The following ATRNL1 variants were observed in gnomAD, a reference collection of about 807,000 sequenced individuals.
ATRNL1 encodes attractin like 1.
A neutral mutation model predicts 182.7 loss-of-function variants in ATRNL1; 95 were observed. The observed-to-expected ratio is 0.52, with a 90% CI of 0.44 to 0.62. The LOEUF is 0.62. ATRNL1 is among the 20% of genes least tolerant of loss of function. The probability of loss-of-function intolerance (pLI) is 0.00; values close to 1 mark genes in which losing one functional copy is unlikely to be tolerated. For synonymous variants in ATRNL1, 576 were observed against 568.3 expected (o/e 1.01, Z -0.19); for missense variants, 1,471 against 1,679.5 (o/e 0.88, Z 2.17).
At chr10:115,506,130 T>G (rs750660342) in intron 24 of ATRNL1, among the ~76,000 whole-genome samples, 3 of 151,940 alleles carry the variant, frequency 2.0e-5, no homozygotes, top group Admixed American at 6.6e-5. Flanking sequence ...TGCTGTCCAT[T>G]TTCTCCCCCA....
intron 26 of ATRNL1, among the ~76,000 whole-genome samples, chr10:115,654,035 T>A (rs1415565402): frequency 3.3e-5 from 5 of 152,198 alleles, no homozygotes; most frequent in African/African-American, 1.2e-4. Context: ...TATTTGTCTC[T>A]AAAACTATGT....
rs375942925 is a variant in ATRNL1 at position 115,327,192 on chromosome 10, A to G, written c.3038-7090A>G. On this transcript the variant is annotated intron_variant, in intron 18 of 28. Coordinates refer to ENST00000355044, the MANE Select transcript of ATRNL1 (RefSeq NM_207303.4). ...GTTTTCGCAACCTACTCATCTGACA[A>G]AGGGCTAATATCCAGAATCTACAAT... is the stretch of plus-strand genomic sequence containing the variant. 7.7e-4 allele frequency among the ~76,000 whole-genome samples: 117 copies of G among 151,978 alleles called. 2 individuals carry two copies. The South Asian group carries it at 0.024, about 31-fold the overall frequency.
intron 24 of ATRNL1, among the ~76,000 whole-genome samples, chr10:115,472,547 C>T (rs189039164): frequency 6.6e-6 from 1 of 150,844 alleles, no homozygotes; most frequent in African/African-American, 2.4e-5. Flanking sequence ...TTTCAGTGTA[C>T]AGGCCTTTCA....
intron 24 of ATRNL1, among the ~76,000 whole-genome samples, chr10:115,481,594 C>T (rs1172495690): frequency 1.3e-5 from 2 of 150,724 alleles, no homozygotes; most frequent in Non-Finnish European, 3.0e-5. Context: ...GACACCAGAT[C>T]CCATTCTACC....
At position 115,129,408 on chromosome 10, in the gene ATRNL1, A is replaced by G; in HGVS notation, c.702A>G (p.Glu234=). 6.2e-7 allele frequency: 1 copy of G among 1,614,056 alleles called. No individual in the cohort carries two copies. The highest frequency in any genetic ancestry group is 2.2e-5 in the East Asian group (1 of 44,880). Residue 234 remains glutamate, a synonymous_variant, in exon 5 of 29, where the codon GAA becomes GAG. Coordinates refer to ENST00000355044, the MANE Select transcript of ATRNL1 (RefSeq NM_207303.4). ...CTGTTCCAAGTCAAGTATATTGTGAATGTGATAAATACTGGAAGGGTGAAG... is the reference window on the plus strand; with the variant it reads ...CTGTTCCAAGTCAAGTATATTGTGAGTGTGATAAATACTGGAAGGGTGAAG... ...SVSVPSQVYC[E]CDKYWKGEAC...
intron 8 of ATRNL1, among the ~76,000 whole-genome samples, chr10:115,196,588 T>G (rs1848370061): frequency 6.6e-6 from 1 of 152,094 alleles, no homozygotes; most frequent in Non-Finnish European, 1.5e-5. Flanking sequence ...TTTAGGTCTC[T>G]TTTGTTTCAG....
chr10:115,484,336 G>T (rs1314620081), intron 24 of ATRNL1, among the ~76,000 whole-genome samples: 5 of 150,784 alleles, frequency 3.3e-5, no homozygotes, highest in African/African-American at 1.2e-4. Context: ...TTAATTTTGA[G>T]ATTTTATCTC....
intron 8 of ATRNL1, among the ~76,000 whole-genome samples, chr10:115,208,132 G>T (rs1848873423): frequency 6.6e-6 from 1 of 151,742 alleles, no homozygotes. Context: ...TTCATTTGAG[G>T]CATTCATTTA....
intron 17 of ATRNL1, among the ~76,000 whole-genome samples, chr10:115,305,856 A>G (rs918869931): frequency 2.0e-5 from 3 of 152,024 alleles, no homozygotes; most frequent in Non-Finnish European, 2.9e-5. Flanking sequence ...GCTGATTAGG[A>G]AATGAAACAA....
At chr10:115,293,904 T>C (rs964018347) in intron 15 of ATRNL1, among the ~76,000 whole-genome samples, 3 of 152,182 alleles carry the variant, frequency 2.0e-5, no homozygotes, top group Non-Finnish European at 4.4e-5. Context: ...TTCTGTTTGA[T>C]TGTTGATGAT....
At chr10:115,486,995 A>C (rs1302279956) in intron 24 of ATRNL1, among the ~76,000 whole-genome samples, 1 of 152,168 alleles carries the variant, frequency 6.6e-6, no homozygotes, top group Non-Finnish European at 1.5e-5. Flanking sequence ...TAAACAGGGA[A>C]TCCTTCCCCC....
At chr10:115,815,957 C>G (rs989743953) in intron 27 of ATRNL1, among the ~76,000 whole-genome samples, 1 of 152,056 alleles carries the variant, frequency 6.6e-6, no homozygotes, top group Non-Finnish European at 1.5e-5. Flanking sequence ...CAGTATTGTC[C>G]CACATAAGCA....
At chr10:115,266,726 T>A in intron 11 of ATRNL1, 71 bp from the exon 12 acceptor site, 1 of 864,930 alleles carries the variant, frequency 1.2e-6, no homozygotes, top group Non-Finnish European at 1.8e-6. Flanking sequence ...CTATGCTTAT[T>A]TTTATAACTA....
At chr10:115,372,537 G>T (rs894061430) in intron 19 of ATRNL1, among the ~76,000 whole-genome samples, 3 of 152,068 alleles carry the variant, frequency 2.0e-5, no homozygotes, top group Non-Finnish European at 4.4e-5. Flanking sequence ...TCCATTTTGA[G>T]GTTATTTTTG....
chr10:115,353,398 T>C (rs1856357528), intron 19 of ATRNL1, among the ~76,000 whole-genome samples: 2 of 152,230 alleles, frequency 1.3e-5, no homozygotes, highest in African/African-American at 4.8e-5. Flanking sequence ...TCTTGTTTTT[T>C]GTTTCCATTT....
intron 19 of ATRNL1, among the ~76,000 whole-genome samples, chr10:115,360,479 AC>A (rs1856691144): frequency 6.6e-6 from 1 of 151,750 alleles, no homozygotes. Flanking sequence ...TTTCTTAAAA[AC>A]TAGGAATTCT....
At chr10:115,896,271 A>T (rs532217925) in intron 28 of ATRNL1, among the ~76,000 whole-genome samples, 1 of 152,374 alleles carries the variant, frequency 6.6e-6, no homozygotes, top group South Asian at 2.1e-4. Flanking sequence ...CAAGTTGGAA[A>T]GCTGAAATTG....
intron 17 of ATRNL1, among the ~76,000 whole-genome samples, chr10:115,312,085 G>A (rs1408467605): frequency 6.6e-6 from 1 of 152,022 alleles, no homozygotes; most frequent in African/African-American, 2.4e-5. Context: ...TTTATGTGGA[G>A]CATTTATACC....
chr10:115,647,517 T>C lies in ATRNL1; in HGVS notation c.3796-79731T>C, dbSNP rs545691485. 9.2e-5 allele frequency among the ~76,000 whole-genome samples: 14 copies of C among 152,314 alleles called. No homozygotes were observed. In the East Asian group the frequency reaches 2.7e-3, roughly 29 times the overall value. On this transcript the variant is annotated intron_variant, in intron 26 of 28. Coordinates refer to ENST00000355044, the MANE Select transcript of ATRNL1 (RefSeq NM_207303.4). Reference sequence around the variant, plus strand: ...CTAACTGGTGTGAGATGGTATCTCATTGTGGTTTTGATTTGCATTTCTCTT... The same window carrying C: ...CTAACTGGTGTGAGATGGTATCTCACTGTGGTTTTGATTTGCATTTCTCTT...
Sources: allele counts gnomAD v4.1 joint callset (sites outside exome capture counted in the v4.1 genomes callset), GRCh38; gene constraint gnomAD v4.1.1; transcripts MANE v1.5; gene names NCBI Gene and HGNC (gene_info 2026-07-23, HGNC 2026-07-21).